Variants in ITPRID1 observed in about 807,000 individuals in gnomAD.
ITPRID1 encodes ITPR interacting domain containing 1.
Under a neutral mutation model 95.4 loss-of-function variants are expected in ITPRID1, and 96 were observed. The observed-to-expected ratio is 1.01, with a 90% CI of 0.85 to 1.19. The LOEUF is 1.19. Among genes scored for constraint, ITPRID1 ranks in the 50% most tolerant of loss-of-function variants. ITPRID1 has a pLI of 0.00. For missense variants in ITPRID1, 1,339 were observed against 1,252.9 expected, an observed-to-expected ratio of 1.07 and a Z score of -1.04; for synonymous variants, 510 against 453.6, an observed-to-expected ratio of 1.12 and a Z score of -1.58.
chr7:31,585,167 C>A (rs1010541870), intron 10 of ITPRID1, among the ~76,000 whole-genome samples: 16 of 152,152 alleles, frequency 1.1e-4, no homozygotes, highest in African/African-American at 3.9e-4. Context: ...GAAACCACAC[C>A]GAGCTGGCCA....
intron 10 of ITPRID1, among the ~76,000 whole-genome samples, chr7:31,591,949 T>G (rs893222852): frequency 2.6e-5 from 4 of 152,112 alleles, no homozygotes; most frequent in Admixed American, 6.5e-5. Context: ...TGGGGTGAGA[T>G]TTAACTCACA....
intron 10 of ITPRID1, among the ~76,000 whole-genome samples, chr7:31,607,740 C>T (rs61457488): frequency 6.6e-6 from 1 of 151,060 alleles, no homozygotes; most frequent in African/African-American, 2.4e-5. Flanking sequence ...TTTTCTTTTT[C>T]AAAAAAATCT....
chr7:31,547,330 A>G lies in ITPRID1; in HGVS notation c.-97-2096A>G, dbSNP rs540325486. Among the ~76,000 whole-genome samples, 32 of 152,276 alleles carry G rather than the reference A, an allele frequency of 2.1e-4. No homozygotes were observed. In the South Asian group the frequency reaches 6.6e-3, roughly 32 times the overall value. On this transcript the variant is annotated intron_variant, in intron 1 of 14. Transcript: ENST00000615280. ...TCGAGACTGGGTAATTTATAAAGGA[A>G]AGAGGTTTAATTGACTCACAGTTCC...
intron 10 of ITPRID1, among the ~76,000 whole-genome samples, chr7:31,609,367 T>C (rs1029911458): frequency 1.3e-5 from 2 of 151,660 alleles, no homozygotes; most frequent in African/African-American, 4.8e-5. Flanking sequence ...TTGGAAGAGT[T>C]TGTGAAATAT....
chr7:31,617,638 C>G (rs1050617079), intron 10 of ITPRID1, among the ~76,000 whole-genome samples: 6 of 64,334 alleles, frequency 9.3e-5, no homozygotes, highest in African/African-American at 3.0e-4. Context: ...TGATTTAATG[C>G]TCCATCTTTT....
chr7:31,643,356 G>C lies in ITPRID1; in HGVS notation c.1986G>C (p.Lys662Asn), dbSNP rs781076724. ...CTGACCTTGCTCAAACATCTGAAAA[G>C]CTCATTCCCCACCTCCATAAACTGC... Reference protein sequence around the residue: ...YATDLAQTSEKLIPHLHKLPG... With the variant: ...YATDLAQTSENLIPHLHKLPG... Residue 662 changes from lysine (K) to asparagine (N), a missense_variant, in exon 12 of 15, where the codon AAG (lysine) becomes AAC (asparagine). Physicochemically the swap from Lys to Asn is moderately conservative, Grantham distance 94. Transcript: ENST00000615280. 5 of 1,613,984 alleles carry C rather than the reference G, an allele frequency of 3.1e-6. No individual in the cohort carries two copies. The South Asian group carries it at 5.5e-5, about 18-fold the overall frequency.
intron 10 of ITPRID1, among the ~76,000 whole-genome samples, chr7:31,630,509 T>C (rs1434095808): frequency 6.6e-6 from 1 of 152,152 alleles, no homozygotes; most frequent in Admixed American, 6.5e-5. Context: ...TTAGTAATGT[T>C]GAACTAATAA....
downstream of ITPRID1, chr7:31,658,309 T>TC (rs1562671151): frequency 1.3e-6 from 2 of 1,520,956 alleles, no homozygotes; most frequent in Admixed American, 4.2e-5. Flanking sequence ...CTTTTTTTTT[T>TC]CTTCAAAAGC....
intron 10 of ITPRID1, among the ~76,000 whole-genome samples, chr7:31,625,588 C>G (rs1190829175): frequency 6.6e-6 from 1 of 151,500 alleles, no homozygotes; most frequent in Non-Finnish European, 1.5e-5. Flanking sequence ...CACATGGACA[C>G]AGGAGAGGGA....
chr7:31,651,853 G>A, intron 13 of ITPRID1, 86 bp from the exon 14 acceptor site: 1 of 888,020 alleles, frequency 1.1e-6, no homozygotes, highest in Non-Finnish European at 1.8e-6. Flanking sequence ...AATTGCAAAG[G>A]AAGAACCTAT....
At chr7:31,626,198 A>C (rs2128187010) in intron 10 of ITPRID1, among the ~76,000 whole-genome samples, 1 of 152,336 alleles carries the variant, frequency 6.6e-6, no homozygotes, top group South Asian at 2.1e-4. Context: ...TTTTTGTAAA[A>C]GCAAAGTTCT....
chr7:31,559,540 C>G (rs1416417203), intron 5 of ITPRID1, among the ~76,000 whole-genome samples: 1 of 152,040 alleles, frequency 6.6e-6, no homozygotes, highest in African/African-American at 2.4e-5. Context: ...TGGTGCACAC[C>G]CGTAGTCCCA....
At chr7:31,591,391 G>A (rs1785859240) in intron 10 of ITPRID1, among the ~76,000 whole-genome samples, 2 of 152,154 alleles carry the variant, frequency 1.3e-5, no homozygotes, top group Non-Finnish European at 2.9e-5. Context: ...CCATAACAAC[G>A]TAAACACTCC....
chr7:31,588,383 C>T (rs191632964), intron 10 of ITPRID1, among the ~76,000 whole-genome samples: 69 of 152,118 alleles, frequency 4.5e-4, no homozygotes, highest in Non-Finnish European at 8.8e-4. Flanking sequence ...GTAATCCCAA[C>T]ACTTTGGGAG....
At chr7:31,568,913 T>C (rs1784890332) in intron 5 of ITPRID1, among the ~76,000 whole-genome samples, 1 of 152,222 alleles carries the variant, frequency 6.6e-6, no homozygotes. Flanking sequence ...CTACTAGCCA[T>C]GAGAAATTTA....
chr7:31,556,409 G>A lies in ITPRID1; in HGVS notation c.256+1508G>A, dbSNP rs559723739. Among the ~76,000 whole-genome samples the A allele has an allele frequency of 3.2e-4, 48 of 152,202 alleles. 1 individual carries two copies. The highest frequency in any genetic ancestry group is 9.1e-4 in the African/African-American group (38 of 41,542). ...CCTGTGTGGTAGCATGGTTTGTTTCGTCTGTTTGTTGCAGATGAGGAATCT... is the reference window on the plus strand; with the variant it reads ...CCTGTGTGGTAGCATGGTTTGTTTCATCTGTTTGTTGCAGATGAGGAATCT... On this transcript the variant is annotated intron_variant, in intron 5 of 14. Transcript: ENST00000615280.
chr7:31,534,725 G>T (rs1783706347), intron 1 of ITPRID1, among the ~76,000 whole-genome samples: 1 of 151,754 alleles, frequency 6.6e-6, no homozygotes, highest in African/African-American at 2.4e-5. Flanking sequence ...CTGTCTTGTA[G>T]TTAGGTGTTT....
chr7:31,530,560 A>C (rs1330033479), intron 1 of ITPRID1, among the ~76,000 whole-genome samples: 1 of 152,182 alleles, frequency 6.6e-6, no homozygotes, highest in Non-Finnish European at 1.5e-5. Flanking sequence ...TTTGATCTGA[A>C]ATTCACATGT....
chr7:31,529,245 T>C (rs1783517592), intron 1 of ITPRID1, among the ~76,000 whole-genome samples: 1 of 152,244 alleles, frequency 6.6e-6, no homozygotes, highest in South Asian at 2.1e-4. Context: ...TATCAAGTTC[T>C]GCTGTCCTCA....
Sources: gnomAD v4.1 joint callset for allele counts (sites outside exome capture counted in the v4.1 genomes callset) on GRCh38, gnomAD v4.1.1 for gene constraint, MANE v1.5 for transcripts, NCBI Gene and HGNC (gene_info 2026-07-23, HGNC 2026-07-21) for gene names.